RYR2: variants seen among roughly 807,000 people sequenced by gnomAD.
RYR2 encodes the protein ryanodine receptor 2.
RYR2 carries 227 observed loss-of-function variants against 601.1 expected under a neutral mutation model. The observed-to-expected ratio is 0.38, with a 90% CI of 0.34 to 0.42. RYR2 has a LOEUF of 0.42. Ranked by LOEUF, RYR2 falls within the 10% of genes least tolerant of loss-of-function variation. RYR2 has a pLI of 1.00. For synonymous variants in RYR2, 2,223 were observed against 2,175.1 expected, an observed-to-expected ratio of 1.02 and a Z score of -0.61; for missense variants, 4,646 against 6,156.5, an observed-to-expected ratio of 0.75 and a Z score of 8.21.
chr1:237,640,845 A>C (rs1681392048), intron 46 of RYR2, 52 bp from the exon 47 acceptor site: 2 of 1,420,340 alleles, frequency 1.4e-6, no homozygotes, highest in Admixed American at 3.7e-5. Flanking sequence ...AATAAACATG[A>C]AATGTCAGTT....
Position 237,220,287 on chromosome 1 carries a change from G to A in RYR2, c.49-50210G>A, listed in dbSNP as rs540205372. Among the ~76,000 whole-genome samples the A allele has an allele frequency of 2.6e-5, 4 of 152,310 alleles. No individual in the cohort carries two copies. In the East Asian group the frequency reaches 7.7e-4, roughly 29 times the overall value. ...CTGCTTTCTGTCTCCCTTCTGAGCA[G>A]GTCACTTTTTCTCCTCCGGCCTTTG... On this transcript the variant is annotated intron_variant, in intron 1 of 104. Transcript: ENST00000366574.
At chr1:237,045,869 GTTTTTTTTTTTTTTT>G (rs768636054) in intron 1 of RYR2, among the ~76,000 whole-genome samples, 35 of 56,946 alleles carry the variant, frequency 6.1e-4, no homozygotes, top group African/African-American at 2.8e-3. Flanking sequence ...CTTGGTCAAG[GTTTTTTTTTTTTTTT>G]TTTTTTTTTT....
chr1:237,509,729 G>A lies in RYR2; in HGVS notation c.2719-1959G>A, dbSNP rs181155139. Among the ~76,000 whole-genome samples the A allele has an allele frequency of 2.3e-4, 35 of 152,312 alleles. 1 individual carries two copies. The highest frequency in any genetic ancestry group is 2.2e-3 in the Admixed American group (34 of 15,294). On this transcript the variant is annotated intron_variant, in intron 23 of 104. Coordinates refer to ENST00000366574, the MANE Select transcript of RYR2 (RefSeq NM_001035.3). ...TGATTGGTAGGCAAACAATTACAGA[G>A]TAAAGAAGTAATATTTAGCTCTTCC...
chr1:237,211,266 C>T (rs1682542862), intron 1 of RYR2, among the ~76,000 whole-genome samples: 1 of 152,186 alleles, frequency 6.6e-6, no homozygotes, highest in Non-Finnish European at 1.5e-5. Flanking sequence ...GGAAGCTTGT[C>T]ATAGACTGTG....
intron 24 of RYR2, 45 bp from the exon 25 acceptor site, chr1:237,530,382 C>G (rs781738999): frequency 1.8e-4 from 257 of 1,403,086 alleles, no homozygotes; most frequent in Non-Finnish European, 2.3e-4. Context: ...TTATTCTGGA[C>G]ATAGAGAAGA....
At chr1:237,290,831 T>C (rs546222756) in intron 2 of RYR2, among the ~76,000 whole-genome samples, 1 of 152,320 alleles carries the variant, frequency 6.6e-6, no homozygotes, top group South Asian at 2.1e-4. Context: ...ATGTTCAATA[T>C]GTTTGAAGAA....
intron 10 of RYR2, among the ~76,000 whole-genome samples, chr1:237,400,318 C>T (rs914299876): frequency 3.3e-5 from 5 of 152,180 alleles, no homozygotes; most frequent in Non-Finnish European, 7.3e-5. Context: ...CAGCTCCCGA[C>T]AGCCTTCTCC....
In RYR2 at chr1:237,705,218, G is replaced by T. The variant is rs1307141068; in HGVS notation, c.9455G>T (p.Arg3152Leu). 1 of 1,607,368 alleles carries T rather than the reference G, an allele frequency of 6.2e-7. No homozygotes were observed. Among genetic ancestry groups the T allele is most frequent in the Non-Finnish European group, 8.5e-7 (1 of 1,176,164 alleles). The change falls in exon 67 of 105, where the codon CGT becomes CTT. Residue 3152 changes from arginine (R) to leucine (L), a missense_variant. Arg to Leu is a moderately radical substitution (Grantham distance 102). Coordinates refer to ENST00000366574, the MANE Select transcript of RYR2 (RefSeq NM_001035.3). ...TSKSIYVERQRSALGECLAAF... is the reference protein window; with the variant it reads ...TSKSIYVERQLSALGECLAAF... Reference sequence around the variant, plus strand: ...TAAGCATTTTCCACTTATAGGCAACGTTCTGCATTAGGAGAATGTCTAGCT... The same window carrying T: ...TAAGCATTTTCCACTTATAGGCAACTTTCTGCATTAGGAGAATGTCTAGCT...
chr1:237,067,743 C>T (rs1275182336), intron 1 of RYR2, among the ~76,000 whole-genome samples: 4 of 152,154 alleles, frequency 2.6e-5, no homozygotes, highest in Non-Finnish European at 5.9e-5. Flanking sequence ...TCTTCCAATG[C>T]GTGAACACTG....
At chr1:237,450,431 C>T (rs529619026) in intron 14 of RYR2, among the ~76,000 whole-genome samples, 1 of 152,224 alleles carries the variant, frequency 6.6e-6, no homozygotes. Context: ...GTAGGACTCA[C>T]CTGATTTGTT....
At chr1:237,065,824 A>G (rs1183630777) in intron 1 of RYR2, among the ~76,000 whole-genome samples, 2 of 152,236 alleles carry the variant, frequency 1.3e-5, no homozygotes, top group African/African-American at 2.4e-5. Context: ...GGGAGGTCTC[A>G]GGAAACTTTC....
chr1:237,160,998 C>T (rs1208674129), intron 1 of RYR2, among the ~76,000 whole-genome samples: 1 of 151,998 alleles, frequency 6.6e-6, no homozygotes, highest in Non-Finnish European at 1.5e-5. Context: ...GTTTTCTTTA[C>T]AGGAATTTAA....
At chr1:237,536,574 G>C (rs1436346517) in intron 25 of RYR2, among the ~76,000 whole-genome samples, 1 of 152,194 alleles carries the variant, frequency 6.6e-6, no homozygotes, top group Non-Finnish European at 1.5e-5. Flanking sequence ...AATTAGCCGG[G>C]CGTGGTGGCG....
At chr1:237,765,367 C>A (rs541617741) in intron 84 of RYR2, among the ~76,000 whole-genome samples, 1 of 151,816 alleles carries the variant, frequency 6.6e-6, no homozygotes, top group African/African-American at 2.4e-5. Flanking sequence ...AAAAGCAAGA[C>A]AAAGTTTTGA....
At chr1:237,171,156 C>T (rs1174342736) in intron 1 of RYR2, among the ~76,000 whole-genome samples, 1 of 151,590 alleles carries the variant, frequency 6.6e-6, no homozygotes, top group Non-Finnish European at 1.5e-5. Flanking sequence ...ATTGCTTGAA[C>T]CCAGGAGGCG....
At chr1:237,526,881 A>T (rs1250950784) in intron 24 of RYR2, among the ~76,000 whole-genome samples, 1 of 152,194 alleles carries the variant, frequency 6.6e-6, no homozygotes, top group Non-Finnish European at 1.5e-5. Context: ...GATCTTTATC[A>T]TAAACTCTAC....
chr1:237,253,729 T>G (rs1488886368), intron 1 of RYR2, among the ~76,000 whole-genome samples: 1 of 152,208 alleles, frequency 6.6e-6, no homozygotes, highest in East Asian at 1.9e-4. Context: ...TGCTGGTTCA[T>G]CCGTTCATTT....
chr1:237,122,990 G>A (rs951324734), intron 1 of RYR2, among the ~76,000 whole-genome samples: 2 of 152,178 alleles, frequency 1.3e-5, no homozygotes, highest in African/African-American at 4.8e-5. Flanking sequence ...AAGTTATATA[G>A]TTAGCAAATG....
chr1:237,155,650 T>G (rs544626378), intron 1 of RYR2, among the ~76,000 whole-genome samples: 1 of 152,366 alleles, frequency 6.6e-6, no homozygotes, highest in East Asian at 1.9e-4. Flanking sequence ...AGTTTGTTTC[T>G]AAATGATTTA....
Sources: allele counts gnomAD v4.1 joint callset (sites outside exome capture counted in the v4.1 genomes callset), GRCh38; gene constraint gnomAD v4.1.1; transcripts MANE v1.5; gene names NCBI Gene and HGNC (gene_info 2026-07-23, HGNC 2026-07-21).